RABGAP1L: variants seen among roughly 807,000 people sequenced by gnomAD.
RABGAP1L encodes RAB GTPase activating protein 1 like, also known as rab GTPase-activating protein 1-like.
Under a neutral mutation model 137.7 loss-of-function variants are expected in RABGAP1L, and 63 were observed. The observed-to-expected ratio is 0.46, with a 90% CI of 0.37 to 0.56. The LOEUF is 0.56. Among genes scored for constraint, RABGAP1L ranks in the 20% least tolerant of loss-of-function variants. The pLI, the probability that RABGAP1L is intolerant of heterozygous loss-of-function variation, is 0.00. For synonymous variants in RABGAP1L, 431 were observed against 433.7 expected, an observed-to-expected ratio of 0.99 and a Z score of 0.08; for missense variants, 1,095 against 1,244.0, an observed-to-expected ratio of 0.88 and a Z score of 1.80.
intron 13 of RABGAP1L, among the ~76,000 whole-genome samples, chr1:174,414,267 A>G (rs183503298): frequency 4.6e-5 from 7 of 152,226 alleles, no homozygotes; most frequent in Admixed American, 3.9e-4. Flanking sequence ...AAAAATCCAC[A>G]TATAATTGGA....
At chr1:174,897,605 C>A (rs988465778) in intron 19 of RABGAP1L, 2 of 152,200 alleles carry the variant, frequency 1.3e-5, no homozygotes, top group South Asian at 4.1e-4. Flanking sequence ...GGCACATCTG[C>A]TTCTGTAGAT....
chr1:174,376,626 T>A (rs1006803088), intron 12 of RABGAP1L, among the ~76,000 whole-genome samples: 1 of 152,272 alleles, frequency 6.6e-6, no homozygotes, highest in Non-Finnish European at 1.5e-5. Context: ...GAAAAAGCAT[T>A]TGACCCAATT....
At chr1:174,856,523 C>A (rs1649334799) in intron 19 of RABGAP1L, among the ~76,000 whole-genome samples, 1 of 152,104 alleles carries the variant, frequency 6.6e-6, no homozygotes, top group Non-Finnish European at 1.5e-5. Flanking sequence ...CATTGGAATA[C>A]CTGGACAGTT....
In RABGAP1L at chr1:174,548,437, T is replaced by A. The variant is rs1184526674; in HGVS notation, c.1711-88938T>A. On this transcript the variant is annotated intron_variant, in intron 13 of 25. Coordinates refer to ENST00000681986, the MANE Select transcript of RABGAP1L (RefSeq NM_001366446.1). ...GAAACTCTGAACTTGCTTTTGCTTA[T>A]ATATGGATATATCATATTATATGCC... 1.1e-4 allele frequency: 107 copies of A among 954,426 alleles called. 1 individual carries two copies. The highest frequency in any genetic ancestry group is 1.3e-4 in the Non-Finnish European group (106 of 792,370). The allele number at this position is 954,426 out of a possible 1,614,324, so 59.1% of individuals were successfully genotyped here.
At chr1:174,217,758 T>C (rs1669448320) in intron 1 of RABGAP1L, among the ~76,000 whole-genome samples, 1 of 152,030 alleles carries the variant, frequency 6.6e-6, no homozygotes, top group African/African-American at 2.4e-5. Context: ...GGTCCAGGAG[T>C]ATGGTTATTC....
At chr1:174,617,030 G>A (rs769997876) in intron 13 of RABGAP1L, among the ~76,000 whole-genome samples, 10 of 152,176 alleles carry the variant, frequency 6.6e-5, no homozygotes, top group Non-Finnish European at 1.5e-4. Context: ...CAGAAGACAA[G>A]AAGTAAGTAG....
rs138349984 is a variant in RABGAP1L, at chr1:174,228,581, A to G, written c.332-2564A>G. Among the ~76,000 whole-genome samples, 462 of 152,324 alleles carry G rather than the reference A, an allele frequency of 3.0e-3. 1 individual carries two copies. Among genetic ancestry groups the G allele is most frequent in the Non-Finnish European group, 4.9e-3 (333 of 68,036 alleles). ...TTATTTATCCCTTTTGAAATACATTATATTGAACTGACTGAAAAAGGGAGA... is the reference window on the plus strand; with the variant it reads ...TTATTTATCCCTTTTGAAATACATTGTATTGAACTGACTGAAAAAGGGAGA... On this transcript the variant is annotated intron_variant, in intron 3 of 25. Coordinates refer to ENST00000681986, the MANE Select transcript of RABGAP1L (RefSeq NM_001366446.1).
At chr1:174,308,666 T>A (rs1286753973) in intron 11 of RABGAP1L, among the ~76,000 whole-genome samples, 1 of 152,084 alleles carries the variant, frequency 6.6e-6, no homozygotes, top group Non-Finnish European at 1.5e-5. Context: ...CTTGGCACCT[T>A]TGTTGAATGC....
At chr1:174,209,074 A>T (rs1206736011) in intron 1 of RABGAP1L, among the ~76,000 whole-genome samples, 1 of 152,190 alleles carries the variant, frequency 6.6e-6, no homozygotes, top group Admixed American at 6.5e-5. Context: ...AGGAGCACTC[A>T]ACCTAGATCC....
intron 13 of RABGAP1L, among the ~76,000 whole-genome samples, chr1:174,425,800 A>G (rs1571744802): frequency 6.6e-6 from 1 of 152,056 alleles, no homozygotes; most frequent in African/African-American, 2.4e-5. Context: ...GTTAAAATTT[A>G]CAGATATAAA....
intron 13 of RABGAP1L, among the ~76,000 whole-genome samples, chr1:174,466,087 C>T (rs968621208): frequency 2.6e-5 from 4 of 152,182 alleles, no homozygotes; most frequent in Non-Finnish European, 5.9e-5. Context: ...TCAGCTGTTC[C>T]AACAACAGGT....
intron 19 of RABGAP1L, among the ~76,000 whole-genome samples, chr1:174,921,811 AAT>A (rs1661862100): frequency 6.6e-6 from 1 of 152,228 alleles, no homozygotes; most frequent in Non-Finnish European, 1.5e-5. Context: ...TTGCCTCCCT[AAT>A]AATGAGCTTC....
chr1:174,488,038 A>C lies in RABGAP1L; in HGVS notation c.1710+93893A>C, dbSNP rs114914203. Among the ~76,000 whole-genome samples the C allele has an allele frequency of 9.1e-3, 1,389 of 152,186 alleles. 20 individuals are homozygous for C. Among genetic ancestry groups the C allele is most frequent in the African/African-American group, 0.032 (1,333 of 41,544 alleles). On this transcript the variant is annotated intron_variant, in intron 13 of 25. Coordinates refer to ENST00000681986, the MANE Select transcript of RABGAP1L (RefSeq NM_001366446.1). ...TGTTGGCTCATATTTTAATCTTTCT[A>C]TTTAATATAAGAGAAGTTTATATAC...
chr1:174,409,706 G>T (rs1030746718), intron 13 of RABGAP1L, among the ~76,000 whole-genome samples: 1 of 152,054 alleles, frequency 6.6e-6, no homozygotes, highest in African/African-American at 2.4e-5. Flanking sequence ...CTGGGGAGGG[G>T]TCTATAAACG....
At chr1:174,425,896 G>A (rs1651892518) in intron 13 of RABGAP1L, among the ~76,000 whole-genome samples, 1 of 152,112 alleles carries the variant, frequency 6.6e-6, no homozygotes, top group African/African-American at 2.4e-5. Context: ...ATAAACAAAT[G>A]TTAGTTGTAA....
At chr1:174,535,604 A>C (rs967074062) in intron 13 of RABGAP1L, among the ~76,000 whole-genome samples, 1 of 152,152 alleles carries the variant, frequency 6.6e-6, no homozygotes, top group Admixed American at 6.5e-5. Context: ...TATATTTACA[A>C]ATTTACAGCC....
intron 12 of RABGAP1L, among the ~76,000 whole-genome samples, chr1:174,387,536 T>C (rs1686893445): frequency 2.1e-5 from 3 of 143,778 alleles, no homozygotes; most frequent in Admixed American, 7.0e-5. Flanking sequence ...GAGACTCCCA[T>C]TGGGTTTTTC....
At chr1:174,866,992 G>A (rs532262679) in intron 19 of RABGAP1L, among the ~76,000 whole-genome samples, 2 of 152,072 alleles carry the variant, frequency 1.3e-5, no homozygotes, top group Non-Finnish European at 2.9e-5. Context: ...GGAAACTGAG[G>A]TGGGAGGATC....
chr1:174,874,357 A>T, intron 19 of RABGAP1L: 1 of 479,004 alleles, frequency 2.1e-6, no homozygotes, highest in Non-Finnish European at 2.7e-6. Context: ...CTCTCAATTT[A>T]CATGACCATG....
Sources: allele counts gnomAD v4.1 joint callset (sites outside exome capture counted in the v4.1 genomes callset), GRCh38; gene constraint gnomAD v4.1.1; transcripts MANE v1.5; gene names NCBI Gene and HGNC (gene_info 2026-07-23, HGNC 2026-07-21).